Variants in DLX2 observed in about 807,000 individuals in gnomAD.
DLX2 encodes homeobox protein DLX-2.
Under a neutral mutation model 27.4 loss-of-function variants are expected in DLX2, and 8 were observed. The observed-to-expected ratio is 0.29, with a 90% CI of 0.17 to 0.53. The LOEUF (loss-of-function observed/expected upper bound fraction) is 0.53, where lower values mean the gene tolerates loss of function less well. Ranked by LOEUF, DLX2 falls within the 20% of genes least tolerant of loss-of-function variation. The pLI is 0.96. For missense variants in DLX2, 421 were observed against 450.9 expected (o/e 0.93, Z 0.60); for synonymous variants, 210 against 200.8 (o/e 1.05, Z -0.39).
chr2:172,102,299 CCCGCCGCCG>C lies in DLX2; in HGVS notation c.231_239del (p.Gly79_Gly81del). On this transcript the variant is annotated inframe_deletion, in exon 1 of 3. Coordinates refer to ENST00000234198, the MANE Select transcript of DLX2 (RefSeq NM_004405.4). ...AACCCATGTGCGCGTAGGGCGAGCC[CCCGCCGCCG>C]CCGCCGCCCGCCGGGTGCTGCTGGT... The C allele has an allele frequency of 6.2e-7, 1 of 1,609,118 alleles. No individual in the cohort carries two copies. Among genetic ancestry groups the C allele is most frequent in the Non-Finnish European group, 8.5e-7 (1 of 1,178,054 alleles).
Position 172,100,408 on chromosome 2 carries a change from G to C in DLX2, c.*135C>G. The C allele has an allele frequency of 1.0e-6, 1 of 987,514 alleles. No homozygotes were observed. Among genetic ancestry groups the C allele is most frequent in the South Asian group, 1.9e-5 (1 of 53,554 alleles). 61.2% of individuals were successfully genotyped at this position (987,514 alleles called of 1,614,324 possible). A position where few individuals can be genotyped will look rare whatever the true frequency, so the allele number is the denominator to read the frequency against. On this transcript the variant is annotated 3_prime_UTR_variant, in exon 3 of 3. Transcript: ENST00000234198. The surrounding 1 kb of genome is among the most constrained non-coding windows in gnomAD (Gnocchi z 4.5). Reference sequence around the variant, plus strand: ...GGCCCCGGGAGTGAGCAGGGCCTGAGACGGGCCACTGCAGGTCGCAGCCTG... The same window carrying C: ...GGCCCCGGGAGTGAGCAGGGCCTGACACGGGCCACTGCAGGTCGCAGCCTG...
Position 172,102,415 on chromosome 2 carries a change from T to C in DLX2, c.124A>G (p.Ser42Gly). The part of the protein sequence containing the change: ...GGGAGPGGNS[S>G]SSSSLHKPQE... ...GGCTTGTGGAGGCTGCTGCTGCTGCTGCTGTTGCCACCCGGGCCGGCGCCG... is the reference window on the plus strand; with the variant it reads ...GGCTTGTGGAGGCTGCTGCTGCTGCCGCTGTTGCCACCCGGGCCGGCGCCG... Residue 42 changes from serine to glycine, a missense_variant, in exon 1 of 3, where the codon AGC becomes GGC. This residue lies in a region of DLX2 where 53 missense variants were observed against 59.5 expected (regional missense o/e 0.89). Transcript: ENST00000234198. 1.3e-6 allele frequency: 2 copies of C among 1,550,460 alleles called. No individual in the cohort carries two copies. Among genetic ancestry groups the C allele is most frequent in the South Asian group, 2.4e-5 (2 of 84,300 alleles).
In DLX2 at chr2:172,100,217, CG is replaced by C; in HGVS notation, c.*325del. ...ATCTCCCGGGACCCAGCTCTCAGCC[CG>C]GGGCGAGGAAGGCGCCAGACAGGCT... On this transcript the variant is annotated 3_prime_UTR_variant, in exon 3 of 3. Transcript: ENST00000234198. This position sits in a 1 kb window ranked among gnomAD's most constrained non-coding sequence, Gnocchi z 4.5. 1 of 277,502 alleles carries C rather than the reference CG, an allele frequency of 3.6e-6. No homozygotes were observed. The highest frequency in any genetic ancestry group is 6.7e-6 in the Non-Finnish European group (1 of 149,432). 17.2% of individuals were successfully genotyped at this position (277,502 alleles called of 1,614,324 possible). A position where few individuals can be genotyped will look rare whatever the true frequency, so the allele number is the denominator to read the frequency against.
At position 172,100,226 on chromosome 2, in the gene DLX2, G is replaced by A. The variant is rs919027969; in HGVS notation, c.*317C>T. On this transcript the variant is annotated 3_prime_UTR_variant, in exon 3 of 3. Transcript: ENST00000234198. This position sits in a 1 kb window ranked among gnomAD's most constrained non-coding sequence, Gnocchi z 4.5. ...GACCCAGCTCTCAGCCCGGGGCGAG[G>A]AAGGCGCCAGACAGGCTCACCCGGA... 2 of 298,976 alleles carry A rather than the reference G, an allele frequency of 6.7e-6. No homozygotes were observed. The highest frequency in any genetic ancestry group is 2.2e-5 in the African/African-American group (1 of 46,344). The allele number at this position is 298,976 out of a possible 1,614,324, so 18.5% of individuals were successfully genotyped here.
At position 172,099,673 on chromosome 2, in the gene DLX2, G is replaced by C. The variant is rs1240568682; in HGVS notation, c.*870C>G. 1 of 152,502 alleles carries C rather than the reference G, an allele frequency of 6.6e-6. No individual in the cohort carries two copies. Among genetic ancestry groups the C allele is most frequent in the Non-Finnish European group, 1.5e-5 (1 of 68,016 alleles). The allele number at this position is 152,502 out of a possible 1,614,324, so 9.4% of individuals were successfully genotyped here. ...CTGCTAAACTGCAGTTTTCACAACT[G>C]GGGGTTTACAAAAAAGTCTGAAAAG... On this transcript the variant is annotated 3_prime_UTR_variant, in exon 3 of 3. Transcript: ENST00000234198.
rs938189227 is a variant in DLX2, at chr2:172,100,222, C to G, written c.*321G>C. The G allele has an allele frequency of 3.5e-6, 1 of 287,258 alleles. No homozygotes were observed. Among genetic ancestry groups the G allele is most frequent in the African/African-American group, 2.2e-5 (1 of 45,984 alleles). 17.8% of individuals were successfully genotyped at this position (287,258 alleles called of 1,614,324 possible). A position where few individuals can be genotyped will look rare whatever the true frequency, so the allele number is the denominator to read the frequency against. On this transcript the variant is annotated 3_prime_UTR_variant, in exon 3 of 3. Transcript: ENST00000234198. This position sits in a 1 kb window ranked among gnomAD's most constrained non-coding sequence, Gnocchi z 4.5. ...CCGGGACCCAGCTCTCAGCCCGGGGCGAGGAAGGCGCCAGACAGGCTCACC... is the reference window on the plus strand; with the variant it reads ...CCGGGACCCAGCTCTCAGCCCGGGGGGAGGAAGGCGCCAGACAGGCTCACC...
chr2:172,101,072 A>G, intron 2 of DLX2, 128 bp from the exon 3 acceptor site: 1 of 1,027,544 alleles, frequency 9.7e-7, no homozygotes, highest in Non-Finnish European at 1.4e-6. Flanking sequence ...CCCTGGGGAG[A>G]TAAGAGGATC....
intron 2 of DLX2, 136 bp from the exon 3 acceptor site, chr2:172,101,080 A>T: frequency 1.0e-6 from 1 of 961,898 alleles, no homozygotes; most frequent in Admixed American, 2.8e-5. Flanking sequence ...AGATAAGAGG[A>T]TCACGGGCGG....
Position 172,100,854 on chromosome 2 carries a change from C to G in DLX2, c.676G>C (p.Ala226Pro). The G allele has an allele frequency of 6.2e-7, 1 of 1,612,632 alleles. No homozygotes were observed. Among genetic ancestry groups the G allele is most frequent in the South Asian group, 1.1e-5 (1 of 91,026 alleles). Residue 226 changes from alanine to proline, a missense_variant, in exon 3 of 3, where the codon GCT becomes CCT. Ala to Pro is a conservative substitution (Grantham distance 27). Coordinates refer to ENST00000234198, the MANE Select transcript of DLX2 (RefSeq NM_004405.4). This position sits in a 1 kb window ranked among gnomAD's most constrained non-coding sequence, Gnocchi z 4.5. ...IPSEQHPGAS[A>P]SPPCASPPVS... Reference sequence around the variant, plus strand: ...GGCGGCGAAGCACAAGGTGGAGAAGCGCTGGCCCCAGGGTGCTGCTCCGAG... The same window carrying G: ...GGCGGCGAAGCACAAGGTGGAGAAGGGCTGGCCCCAGGGTGCTGCTCCGAG...
chr2:172,101,623 T>C lies in DLX2; in HGVS notation c.424A>G (p.Ile142Val). 1 of 1,614,176 alleles carries C rather than the reference T, an allele frequency of 6.2e-7. No homozygotes were observed. Among genetic ancestry groups the C allele is most frequent in the South Asian group, 1.1e-5 (1 of 91,082 alleles). Residue 142 changes from isoleucine to valine, a missense_variant, in exon 2 of 3, where the codon ATT (isoleucine) becomes GTT (valine). Ile to Val is a conservative substitution (Grantham distance 29, BLOSUM62 3). Around this residue, in one of 5 missense-constraint regions of DLX2, gnomAD observed 141 missense variants for 123.5 expected, o/e 1.14. Transcript: ENST00000234198. Reference protein sequence around the residue: ...EPEKEDLEPEIRIVNGKPKKV... With the variant: ...EPEKEDLEPEVRIVNGKPKKV... ...TTTGGCTTCCCGTTCACTATCCGAA[T>C]TTCAGGCTCAAGGTCCTCCTTCTCT...
chr2:172,101,552 C>G lies in DLX2; in HGVS notation c.495G>C (p.Ala165=). The part of the protein sequence containing the change: ...PRTIYSSFQL[A]ALQRRFQKTQ... ...TCTTTTGGAAACGCCGCTGAAGAGC[C>G]GCCAGCTGGAAACTGGAGTAGATGG... Residue 165 remains alanine, a synonymous_variant, in exon 2 of 3, where the codon GCG becomes GCC. Transcript: ENST00000234198. 6.2e-7 allele frequency: 1 copy of G among 1,614,188 alleles called. No individual in the cohort carries two copies. The highest frequency in any genetic ancestry group is 8.5e-7 in the Non-Finnish European group (1 of 1,180,020).
chr2:172,102,128 G>A lies in DLX2; in HGVS notation c.400+11C>T, dbSNP rs746694236. The A allele has an allele frequency of 1.9e-6, 3 of 1,611,448 alleles. No individual in the cohort carries two copies. The highest frequency in any genetic ancestry group is 1.1e-5 in the South Asian group (1 of 90,736). On this transcript the variant is annotated intron_variant, in intron 1 of 2. Transcript: ENST00000234198. The stretch of plus-strand genomic sequence containing the variant: ...CCGACTCGGCACTCTTGACTTCAGC[G>A]TTATGCATACCAGGCTCGTTGTTGG...
At position 172,100,606 on chromosome 2, in the gene DLX2, C is replaced by A. The variant is rs776387091; in HGVS notation, c.924G>T (p.Pro308=). 1.3e-6 allele frequency: 2 copies of A among 1,573,260 alleles called. No homozygotes were observed. The highest frequency in any genetic ancestry group is 8.6e-7 in the Non-Finnish European group (1 of 1,164,230). ...PLLHPTQTPQ[P]HHHHHHHGGG... is the part of the protein sequence containing the mutation. ...CGCCGTGATGGTGGTGGTGGTGATGCGGCTGCGGGGTCTGAGTGGGGTGCA... is the reference window on the plus strand; with the variant it reads ...CGCCGTGATGGTGGTGGTGGTGATGAGGCTGCGGGGTCTGAGTGGGGTGCA... Residue 308 remains proline, a synonymous_variant, in exon 3 of 3, where the codon CCG becomes CCT. Coordinates refer to ENST00000234198, the MANE Select transcript of DLX2 (RefSeq NM_004405.4). The surrounding 1 kb of genome is among the most constrained non-coding windows in gnomAD (Gnocchi z 4.5).
In DLX2 at chr2:172,102,228, G is replaced by A; in HGVS notation, c.311C>T (p.Ala104Val). ...GTAGCCCAGGTCATAGCTGCTCTTG[G>A]CGGAGTAAGGGACGTTGTTGAGGCC... Reference protein sequence around the residue: ...ASGLNNVPYSAKSSYDLGYTA... With the variant: ...ASGLNNVPYSVKSSYDLGYTA... The change falls in exon 1 of 3, where the codon GCC (alanine) becomes GTC (valine). Residue 104 changes from alanine to valine, a missense_variant. Ala to Val is a moderately conservative substitution (Grantham distance 64). Transcript: ENST00000234198. 2.5e-6 allele frequency: 4 copies of A among 1,614,208 alleles called. No homozygotes were observed. The highest frequency in any genetic ancestry group is 2.2e-5 in the East Asian group (1 of 44,878).
rs1457752592 is a variant in DLX2 at position 172,102,294 on chromosome 2, G to A, written c.245C>T (p.Ser82Leu). 2 of 1,609,764 alleles carry A rather than the reference G, an allele frequency of 1.2e-6. No individual in the cohort carries two copies. Among genetic ancestry groups the A allele is most frequent in the African/African-American group, 1.3e-5 (1 of 74,848 alleles). ...GTAGGAACCCATGTGCGCGTAGGGCGAGCCCCCGCCGCCGCCGCCGCCCGC... is the reference window on the plus strand; with the variant it reads ...GTAGGAACCCATGTGCGCGTAGGGCAAGCCCCCGCCGCCGCCGCCGCCCGC... ...HPAGGGGGGG[S>L]PYAHMGSYQY... The change falls in exon 1 of 3, where the codon TCG becomes TTG. Residue 82 changes from serine (S) to leucine (L), a missense_variant. By Grantham distance (145) the Ser-to-Leu change is moderately radical. Around this residue, in one of 5 missense-constraint regions of DLX2, gnomAD observed 141 missense variants for 123.5 expected, o/e 1.14. Coordinates refer to ENST00000234198, the MANE Select transcript of DLX2 (RefSeq NM_004405.4).
At position 172,100,790 on chromosome 2, in the gene DLX2, T is replaced by G. The variant is rs750079574; in HGVS notation, c.740A>C (p.Gln247Pro). The change falls in exon 3 of 3, where the codon CAG becomes CCG. Residue 247 changes from glutamine (Q) to proline (P), a missense_variant. By Grantham distance (76) the Gln-to-Pro change is moderately conservative. Around this residue, in one of 5 missense-constraint regions of DLX2, gnomAD observed 185 missense variants for 171.1 expected, o/e 1.08. Coordinates refer to ENST00000234198, the MANE Select transcript of DLX2 (RefSeq NM_004405.4). This position sits in a 1 kb window ranked among gnomAD's most constrained non-coding sequence, Gnocchi z 4.5. ...CGGACCACCGCCGCCCGCCATCCGC[T>G]GCGGCACACCAAAGTCCCAGGAGGC... ...APASWDFGVP[Q>P]RMAGGGGPGS... is the part of the protein sequence containing the mutation. The G allele has an allele frequency of 8.8e-6, 14 of 1,596,348 alleles. No individual in the cohort carries two copies. Among genetic ancestry groups the G allele is most frequent in the Non-Finnish European group, 1.1e-5 (13 of 1,171,376 alleles).
In DLX2 at chr2:172,100,822, T is replaced by G; in HGVS notation, c.708A>C (p.Ser236=). 1 of 1,610,770 alleles carries G rather than the reference T, an allele frequency of 6.2e-7. No homozygotes were observed. Among genetic ancestry groups the G allele is most frequent in the Non-Finnish European group, 8.5e-7 (1 of 1,178,990 alleles). The part of the protein sequence containing the change: ...ASPPCASPPV[S]APASWDFGVP... ...CACCAAAGTCCCAGGAGGCCGGCGC[T>G]GAGACTGGCGGCGAAGCACAAGGTG... Residue 236 remains serine, a synonymous_variant, in exon 3 of 3, where the codon TCA becomes TCC. Coordinates refer to ENST00000234198, the MANE Select transcript of DLX2 (RefSeq NM_004405.4). The surrounding 1 kb of genome is among the most constrained non-coding windows in gnomAD (Gnocchi z 4.5).
At chr2:172,101,056 C>A in intron 2 of DLX2, 112 bp from the exon 3 acceptor site, 1 of 1,200,676 alleles carries the variant, frequency 8.3e-7, no homozygotes, top group Non-Finnish European at 1.2e-6. Flanking sequence ...CGGTGGGCAG[C>A]GAGCGCCCTG....
intron 1 of DLX2, 126 bp from the exon 2 acceptor site, chr2:172,101,772 C>CG: frequency 9.2e-7 from 1 of 1,088,598 alleles, no homozygotes; most frequent in East Asian, 2.4e-5. Context: ...TGTGGCGCCA[C>CG]GGGCAGGCGC....
Sources: gnomAD v4.1 joint callset for allele counts on GRCh38, gnomAD v4.1.1 for gene constraint, gnomAD v4.1.1 regional missense constraint, Gnocchi (gnomAD v3.1) non-coding constraint, MANE v1.5 for transcripts, NCBI Gene and HGNC (gene_info 2026-07-23, HGNC 2026-07-21) for gene names.